Variants in LIMCH1 observed in about 807,000 individuals in gnomAD.
LIMCH1 encodes LIM and calponin homology domains-containing protein 1.
LIMCH1 carries 113 observed loss-of-function variants against 176.5 expected under a neutral mutation model. The observed-to-expected ratio is 0.64, with a 90% CI of 0.55 to 0.75. LIMCH1 has a LOEUF of 0.75. Ranked by LOEUF, LIMCH1 falls within the 30% of genes least tolerant of loss-of-function variation. LIMCH1 has a pLI of 0.00. For synonymous variants in LIMCH1, 619 were observed against 645.9 expected (o/e 0.96, Z 0.63); for missense variants, 1,674 against 1,814.9 (o/e 0.92, Z 1.41).
chr4:41,696,225 A>G (rs1044295700), intron 31 of LIMCH1, among the ~76,000 whole-genome samples: 6 of 152,228 alleles, frequency 3.9e-5, no homozygotes, highest in African/African-American at 1.4e-4. Context: ...CGTGCAAAAC[A>G]AATTACCTGT....
intron 1 of LIMCH1, among the ~76,000 whole-genome samples, chr4:41,595,826 G>T (rs2088651762): frequency 6.6e-6 from 1 of 152,032 alleles, no homozygotes; most frequent in South Asian, 2.1e-4. Flanking sequence ...GCAGGGCCAA[G>T]GTGGGCAGAT....
intron 1 of LIMCH1, among the ~76,000 whole-genome samples, chr4:41,388,095 G>A (rs2056733153): frequency 1.3e-5 from 2 of 152,194 alleles, no homozygotes; most frequent in South Asian, 4.1e-4. Context: ...GGGCGAAAGA[G>A]CAAGACTCTC....
At chr4:41,492,138 C>T (rs948024344) in intron 1 of LIMCH1, among the ~76,000 whole-genome samples, 8 of 152,200 alleles carry the variant, frequency 5.3e-5, no homozygotes, top group Non-Finnish European at 8.8e-5. Flanking sequence ...AGCGAGACTC[C>T]GTCTGCAATC....
At chr4:41,544,795 A>G (rs2079142085) in intron 1 of LIMCH1, among the ~76,000 whole-genome samples, 2 of 152,176 alleles carry the variant, frequency 1.3e-5, no homozygotes, top group Non-Finnish European at 2.9e-5. Context: ...TATGCTTCCT[A>G]GAAAGCCTCA....
At position 41,540,487 on chromosome 4, in the gene LIMCH1, C is replaced by G. The variant is rs566133305; in HGVS notation, c.-241+2137C>G. On this transcript the variant is annotated intron_variant, in intron 1 of 31. Coordinates refer to ENST00000503057, the MANE Select transcript of LIMCH1 (RefSeq NM_001330672.2). Reference sequence around the variant, plus strand: ...GATGCAGTGGCTTACGCCTGTAATCCTAGCACTTTGGGAGGCTGAGGCAGG... The same window carrying G: ...GATGCAGTGGCTTACGCCTGTAATCGTAGCACTTTGGGAGGCTGAGGCAGG... 5.3e-5 allele frequency among the ~76,000 whole-genome samples: 8 copies of G among 152,276 alleles called. No individual in the cohort carries two copies. The East Asian group carries it at 1.3e-3, about 26-fold the overall frequency.
At chr4:41,520,975 T>G (rs147011433) in intron 2 of LIMCH1, among the ~76,000 whole-genome samples, 1 of 152,266 alleles carries the variant, frequency 6.6e-6, no homozygotes, top group African/African-American at 2.4e-5. Flanking sequence ...TCCAAGTGGA[T>G]GACAGCCTCC....
At chr4:41,514,647 C>G (rs531547230) in intron 2 of LIMCH1, among the ~76,000 whole-genome samples, 35 of 152,278 alleles carry the variant, frequency 2.3e-4, no homozygotes, top group African/African-American at 7.5e-4. Flanking sequence ...AGCACAGTCT[C>G]TATACAGAAG....
At chr4:41,382,546 G>C (rs931280892) in intron 1 of LIMCH1, among the ~76,000 whole-genome samples, 2 of 152,138 alleles carry the variant, frequency 1.3e-5, no homozygotes, top group Admixed American at 1.3e-4. Context: ...CATAAGGCCT[G>C]AATTAGGGAA....
intron 1 of LIMCH1, among the ~76,000 whole-genome samples, chr4:41,459,917 G>A (rs981219508): frequency 3.3e-5 from 5 of 152,106 alleles, no homozygotes; most frequent in Admixed American, 6.5e-5. Flanking sequence ...CACCTGAGGC[G>A]AAGATAGGGA....
chr4:41,372,312 A>G (rs1303785773), intron 1 of LIMCH1, among the ~76,000 whole-genome samples: 1 of 152,198 alleles, frequency 6.6e-6, no homozygotes, highest in African/African-American at 2.4e-5. Flanking sequence ...CTCTGGTTAC[A>G]AAGTTGAGTA....
chr4:41,549,923 C>T (rs899388034), intron 1 of LIMCH1, among the ~76,000 whole-genome samples: 2 of 151,882 alleles, frequency 1.3e-5, no homozygotes, highest in African/African-American at 2.4e-5. Context: ...TAGTTTCTGT[C>T]GGATTTGTCT....
chr4:41,493,609 A>AT (rs2071499528), intron 1 of LIMCH1, among the ~76,000 whole-genome samples: 2 of 152,306 alleles, frequency 1.3e-5, no homozygotes, highest in South Asian at 4.1e-4. Flanking sequence ...AATACTACAC[A>AT]TTTTTTATCA....
chr4:41,665,376 A>G (rs531919101), intron 20 of LIMCH1, among the ~76,000 whole-genome samples: 1 of 152,354 alleles, frequency 6.6e-6, no homozygotes, highest in African/African-American at 2.4e-5. Flanking sequence ...TGGGAAGGCT[A>G]GACCTTATCA....
intron 1 of LIMCH1, among the ~76,000 whole-genome samples, chr4:41,487,653 CTTTTT>C (rs149754932): frequency 9.2e-6 from 1 of 108,176 alleles, no homozygotes; most frequent in Non-Finnish European, 1.8e-5. Context: ...TTTTTATATT[CTTTTT>C]TTTTTTTTTT....
Position 41,646,249 on chromosome 4 carries a change from A to G in LIMCH1, c.2380A>G (p.Ile794Val), listed in dbSNP as rs1478301742. The G allele has an allele frequency of 1.2e-6, 2 of 1,612,620 alleles. No individual in the cohort carries two copies. Among genetic ancestry groups the G allele is most frequent in the South Asian group, 2.2e-5 (2 of 90,376 alleles). The change falls in exon 16 of 32, where the codon ATC (isoleucine) becomes GTC (valine). Residue 794 changes from isoleucine to valine, a missense_variant. Ile to Val is a conservative substitution (Grantham distance 29). This residue lies in a region of LIMCH1 where 1,015 missense variants were observed against 1,102.5 expected (regional missense o/e 0.92). Transcript: ENST00000503057. ...EDGTSERRKS[I>V]KTYREIVQEK... ...TGGGACAAGTGAACGAAGGAAAAGC[A>G]TCAAAACCTACAGAGAAATTGTTCA...
chr4:41,640,945 T>G (rs2152910553), intron 14 of LIMCH1, among the ~76,000 whole-genome samples: 1 of 151,428 alleles, frequency 6.6e-6, no homozygotes, highest in South Asian at 2.1e-4. Context: ...TGCCCTTTTC[T>G]TCACTTTCAC....
intron 1 of LIMCH1, among the ~76,000 whole-genome samples, chr4:41,567,065 G>A (rs1321688269): frequency 2.0e-5 from 3 of 152,186 alleles, no homozygotes; most frequent in Non-Finnish European, 4.4e-5. Flanking sequence ...ACCAAGTTCT[G>A]AGAACTAGCA....
Position 41,390,285 on chromosome 4 carries a change from C to T in LIMCH1, c.96+29349C>T, listed in dbSNP as rs553842258. 3.5e-5 allele frequency among the ~76,000 whole-genome samples: 5 copies of T among 142,414 alleles called. No individual in the cohort carries two copies. In the South Asian group the frequency reaches 9.1e-4, roughly 26 times the overall value. The allele number at this position is 142,414 out of a possible 152,430, so 93.4% of individuals were successfully genotyped here. On this transcript the variant is annotated intron_variant, in intron 1 of 26. Transcript: ENST00000313860. ...GAGAGAGAGAGAGAGCGAGAGCGCT[C>T]CTCATGCTGGGGAGCCTCTCTGCCT...
At chr4:41,504,484 C>T (rs1045415489) in intron 2 of LIMCH1, among the ~76,000 whole-genome samples, 5 of 152,208 alleles carry the variant, frequency 3.3e-5, no homozygotes, top group African/African-American at 1.2e-4. Context: ...GCAGATAATT[C>T]ACCTCCTCTG....
Sources: allele counts gnomAD v4.1 joint callset (sites outside exome capture counted in the v4.1 genomes callset), GRCh38; gene constraint gnomAD v4.1.1; regional missense constraint gnomAD v4.1.1; transcripts MANE v1.5; gene names NCBI Gene and HGNC (gene_info 2026-07-23, HGNC 2026-07-21).